The following CDKL2 variants were observed in gnomAD, a reference collection of about 807,000 sequenced individuals.
The protein encoded by CDKL2 is cyclin-dependent kinase-like 2.
In CDKL2, 64 loss-of-function variants were observed where a neutral mutation model predicts 63.9. The ratio of observed to expected loss-of-function variants is 1.00; its 90% CI spans 0.82 to 1.23. The LOEUF (loss-of-function observed/expected upper bound fraction) is 1.23, where lower values mean the gene tolerates loss of function less well. Among genes scored for constraint, CDKL2 ranks in the 50% most tolerant of loss-of-function variants. CDKL2 has a pLI of 0.00. For synonymous variants in CDKL2, 211 were observed against 229.2 expected (o/e 0.92, Z 0.72); for missense variants, 656 against 668.0 (o/e 0.98, Z 0.20).
chr4:75,611,197 G>A (rs183633710), intron 3 of CDKL2, among the ~76,000 whole-genome samples: 100 of 152,260 alleles, frequency 6.6e-4, no homozygotes, highest in African/African-American at 2.3e-3. Flanking sequence ...AGTGGCACAC[G>A]CCTGTAATCC....
At chr4:75,626,131 T>C in intron 1 of CDKL2, 114 bp from the exon 2 acceptor site, 1 of 662,838 alleles carries the variant, frequency 1.5e-6, no homozygotes, top group Non-Finnish European at 2.6e-6. Flanking sequence ...TGTTCATGGC[T>C]GTCCTGTATT....
At chr4:75,628,988 TAC>T (rs1730558608) in intron 1 of CDKL2, among the ~76,000 whole-genome samples, 1 of 152,190 alleles carries the variant, frequency 6.6e-6, no homozygotes, top group African/African-American at 2.4e-5. Context: ...ACAAACTTTT[TAC>T]AGAGCAGTGT....
At chr4:75,590,210 C>G (rs1413718636) in intron 12 of CDKL2, among the ~76,000 whole-genome samples, 1 of 152,068 alleles carries the variant, frequency 6.6e-6, no homozygotes, top group African/African-American at 2.4e-5. Flanking sequence ...TATTGATACT[C>G]TATGGTTCCT....
chr4:75,601,169 A>C (rs990942269), intron 6 of CDKL2, among the ~76,000 whole-genome samples: 3 of 152,232 alleles, frequency 2.0e-5, no homozygotes, highest in Non-Finnish European at 4.4e-5. Flanking sequence ...ATGAAATGAA[A>C]TAAATTTTGT....
intron 2 of CDKL2, among the ~76,000 whole-genome samples, chr4:75,621,395 A>T (rs964744215): frequency 2.6e-5 from 4 of 152,116 alleles, no homozygotes; most frequent in Admixed American, 6.5e-5. Flanking sequence ...GTTATTAAGG[A>T]ACACAGTAAG....
intron 3 of CDKL2, among the ~76,000 whole-genome samples, chr4:75,611,280 G>A (rs774592420): frequency 1.3e-5 from 2 of 151,982 alleles, no homozygotes; most frequent in Non-Finnish European, 1.5e-5. Flanking sequence ...CCAACATGGC[G>A]AAACCCCATC....
rs1730621514 is a variant in CDKL2 at position 75,630,235 on chromosome 4, G to C, written c.-223C>G. On this transcript the variant is annotated 5_prime_UTR_variant, in exon 1 of 14. Transcript: ENST00000307465. ...GCAGGCAGGGAGGCAGGTGGGCCTCGGTCCGCCGCAAGCTCACACTTAGGA... is the reference window on the plus strand; with the variant it reads ...GCAGGCAGGGAGGCAGGTGGGCCTCCGTCCGCCGCAAGCTCACACTTAGGA... 1 of 152,656 alleles carries C rather than the reference G, an allele frequency of 6.6e-6. No individual in the cohort carries two copies. The highest frequency in any genetic ancestry group is 2.4e-5 in the African/African-American group (1 of 41,436). 9.5% of individuals were successfully genotyped at this position (152,656 alleles called of 1,614,324 possible).
chr4:75,595,960 GGAAGGAAGGAAGGAAA>G (rs1300073958), intron 10 of CDKL2: 44 of 162,780 alleles, frequency 2.7e-4, no homozygotes, highest in Non-Finnish European at 4.1e-4. Flanking sequence ...AAGAGAGGAA[GGAAGGAAGGAAGGAAA>G]GAAGGAAGGA....
At position 75,616,702 on chromosome 4, in the gene CDKL2, A is replaced by T. The variant is rs1274958120; in HGVS notation, c.169-2253T>A. ...GTGACAGAGCAAGACTCCATCTCCA[A>T]AAAAAAAAAAAAAAAGGAATTCAAA... On this transcript the variant is annotated intron_variant, in intron 2 of 13. Coordinates refer to ENST00000307465, the MANE Select transcript of CDKL2 (RefSeq NM_001330724.2). Among the ~76,000 whole-genome samples the T allele has an allele frequency of 4.8e-5, 7 of 144,494 alleles. No homozygotes were observed. The East Asian group carries it at 1.4e-3, about 29-fold the overall frequency. The allele number at this position is 144,494 out of a possible 152,430, so 94.8% of individuals were successfully genotyped here.
intron 3 of CDKL2, 61 bp from the exon 4 acceptor site, chr4:75,607,422 T>C: frequency 7.6e-7 from 1 of 1,313,224 alleles, no homozygotes; most frequent in Non-Finnish European, 1.1e-6. Flanking sequence ...GGGCACCTGC[T>C]ATGTGCAGGG....
chr4:75,594,529 T>C (rs1354305189), intron 10 of CDKL2, among the ~76,000 whole-genome samples: 1 of 152,100 alleles, frequency 6.6e-6, no homozygotes, highest in African/African-American at 2.4e-5. Flanking sequence ...ATCTCTGCCT[T>C]GGAATCTTAC....
intron 12 of CDKL2, among the ~76,000 whole-genome samples, chr4:75,590,385 A>G (rs1323946855): frequency 1.3e-5 from 2 of 152,194 alleles, no homozygotes; most frequent in Admixed American, 1.3e-4. Flanking sequence ...TCACAGTAAC[A>G]CTACTCCTTT....
rs1209085388 is a variant in CDKL2 at position 75,578,788 on chromosome 4, C to T, written c.*414G>A. 1 of 152,600 alleles carries T rather than the reference C, an allele frequency of 6.6e-6. No individual in the cohort carries two copies. The highest frequency in any genetic ancestry group is 1.9e-4 in the East Asian group (1 of 5,196). 9.5% of individuals were successfully genotyped at this position (152,600 alleles called of 1,614,324 possible). ...TGTACACATTTATACAGAAAACACA[C>T]AAAGTTCAATGCATGAGTAACATGG... On this transcript the variant is annotated 3_prime_UTR_variant, in exon 14 of 14. Transcript: ENST00000307465.
intron 10 of CDKL2, among the ~76,000 whole-genome samples, chr4:75,594,837 T>A (rs2148872519): frequency 6.6e-6 from 1 of 152,222 alleles, no homozygotes; most frequent in East Asian, 1.9e-4. Flanking sequence ...GTAGAACAGA[T>A]TGATGGAGAA....
At chr4:75,625,576 A>G (rs1730363239) in intron 2 of CDKL2, among the ~76,000 whole-genome samples, 1 of 152,144 alleles carries the variant, frequency 6.6e-6, no homozygotes, top group South Asian at 2.1e-4. Context: ...AAAGAACAAA[A>G]ATTAATGCTA....
rs920946195 is a variant in CDKL2, at chr4:75,603,864, C to A, written c.748G>T (p.Glu250Ter). Reference sequence around the variant, plus strand: ...TCAGAGAGCTTAGGATAGCGTCTTTCAAGAGGTTCTCTTTCCTTGATTTCA... The same window carrying A: ...TCAGAGAGCTTAGGATAGCGTCTTTAAAGAGGTTCTCTTTCCTTGATTTCA... ...LPEIKEREPL[E>*]RRYPKLSEVV... is the part of the protein sequence containing the mutation. The change falls in exon 6 of 14, where the codon GAA becomes TAA. Residue 250 changes from glutamate (E) to a stop codon, truncating the protein, a stop_gained. Transcript: ENST00000307465. LOFTEE classifies it high-confidence loss of function. The A allele has an allele frequency of 1.2e-6, 2 of 1,613,214 alleles. No individual in the cohort carries two copies. Among genetic ancestry groups the A allele is most frequent in the East Asian group, 4.5e-5 (2 of 44,832 alleles).
chr4:75,599,680 C>A (rs1466834362), intron 7 of CDKL2, among the ~76,000 whole-genome samples: 4 of 151,840 alleles, frequency 2.6e-5, no homozygotes, highest in Non-Finnish European at 5.9e-5. Flanking sequence ...TATACTTCCA[C>A]AAAAACAACA....
At chr4:75,598,678 C>T (rs1448714032) in intron 7 of CDKL2, among the ~76,000 whole-genome samples, 1 of 150,974 alleles carries the variant, frequency 6.6e-6, no homozygotes, top group East Asian at 2.0e-4. Context: ...AACTCTTAAA[C>T]GCATCCTTTT....
intron 7 of CDKL2, among the ~76,000 whole-genome samples, chr4:75,599,631 C>T (rs1729100321): frequency 6.7e-6 from 1 of 149,496 alleles, no homozygotes; most frequent in Admixed American, 6.7e-5. Context: ...TCAAAGAATA[C>T]CCACAATTAT....
Sources: gnomAD v4.1 joint callset for allele counts (sites outside exome capture counted in the v4.1 genomes callset) on GRCh38, gnomAD v4.1.1 for gene constraint, MANE v1.5 for transcripts, NCBI Gene and HGNC (gene_info 2026-07-23, HGNC 2026-07-21) for gene names.